Variants in ADK observed in about 807,000 individuals in gnomAD.
ADK encodes N6,N6-dimethyladenosine kinase.
ADK carries 24 observed loss-of-function variants against 44.7 expected under a neutral mutation model. That is an observed-to-expected ratio of 0.54 (90% CI 0.39 to 0.76). The LOEUF (loss-of-function observed/expected upper bound fraction) is 0.76, where lower values mean the gene tolerates loss of function less well. Among genes scored for constraint, ADK ranks in the 30% least tolerant of loss-of-function variants. ADK has a pLI of 0.00. For missense variants in ADK, 321 were observed against 425.1 expected (o/e 0.76, Z 2.15); for synonymous variants, 128 against 142.6 (o/e 0.90, Z 0.73).
chr10:74,678,931 G>A (rs2134225032), intron 10 of ADK, among the ~76,000 whole-genome samples: 1 of 152,258 alleles, frequency 6.6e-6, no homozygotes, highest in South Asian at 2.1e-4. Flanking sequence ...GTATCAGTTA[G>A]CTTTTACTGC....
intron 6 of ADK, among the ~76,000 whole-genome samples, chr10:74,473,001 T>C (rs1846662758): frequency 6.6e-6 from 1 of 152,072 alleles, no homozygotes; most frequent in Non-Finnish European, 1.5e-5. Context: ...TTTGTTTTCA[T>C]TTTTTTGAGA....
At chr10:74,431,649 G>A (rs1353157611) in intron 6 of ADK, among the ~76,000 whole-genome samples, 6 of 152,220 alleles carry the variant, frequency 3.9e-5, no homozygotes, top group South Asian at 2.1e-4. Context: ...GCTGAGGCAC[G>A]ATAATTGCTT....
At chr10:74,325,754 A>G (rs1004603148) in intron 4 of ADK, among the ~76,000 whole-genome samples, 1 of 152,194 alleles carries the variant, frequency 6.6e-6, no homozygotes, top group Non-Finnish European at 1.5e-5. Flanking sequence ...TCCTGCATTT[A>G]ATGTGATATA....
intron 10 of ADK, among the ~76,000 whole-genome samples, chr10:74,688,972 G>C (rs1309724934): frequency 2.0e-5 from 3 of 151,702 alleles, no homozygotes; most frequent in East Asian, 2.0e-4. Context: ...ATGCTGGGCT[G>C]GGGGGCATGG....
chr10:74,336,135 T>C (rs1841401536), intron 4 of ADK, among the ~76,000 whole-genome samples: 1 of 152,226 alleles, frequency 6.6e-6, no homozygotes, highest in African/African-American at 2.4e-5. Context: ...TTTCATAGTT[T>C]TACTTTTTAC....
At chr10:74,369,920 T>C (rs1233192741) in intron 4 of ADK, among the ~76,000 whole-genome samples, 1 of 152,218 alleles carries the variant, frequency 6.6e-6, no homozygotes, top group Non-Finnish European at 1.5e-5. Context: ...GAATGAATAA[T>C]TGAGTTTAGC....
At chr10:74,411,157 C>T (rs1193494366) in intron 6 of ADK, among the ~76,000 whole-genome samples, 1 of 151,978 alleles carries the variant, frequency 6.6e-6, no homozygotes, top group African/African-American at 2.4e-5. Context: ...AATGTTTAAG[C>T]CTTTATTTTA....
intron 3 of ADK, among the ~76,000 whole-genome samples, chr10:74,241,529 G>T (rs1845207493): frequency 6.6e-6 from 1 of 151,992 alleles, no homozygotes; most frequent in Non-Finnish European, 1.5e-5. Context: ...GGGACTACAG[G>T]CACACGCTAC....
intron 10 of ADK, among the ~76,000 whole-genome samples, chr10:74,704,193 G>C (rs1856522829): frequency 6.6e-6 from 1 of 152,114 alleles, no homozygotes; most frequent in African/African-American, 2.4e-5. Flanking sequence ...AAAGAGGAGT[G>C]GGGAGTTATT....
chr10:74,518,111 A>G (rs1281659828), intron 6 of ADK, among the ~76,000 whole-genome samples: 1 of 152,166 alleles, frequency 6.6e-6, no homozygotes, highest in Non-Finnish European at 1.5e-5. Flanking sequence ...AGCATGCTAT[A>G]TGGTTGTTAT....
intron 6 of ADK, among the ~76,000 whole-genome samples, chr10:74,468,732 C>A (rs184447288): frequency 4.6e-5 from 7 of 152,262 alleles, no homozygotes; most frequent in African/African-American, 1.4e-4. Context: ...AACTTTTAAT[C>A]ATACACACAA....
chr10:74,481,609 T>A (rs1407262417), intron 6 of ADK, among the ~76,000 whole-genome samples: 3 of 152,238 alleles, frequency 2.0e-5, no homozygotes, highest in African/African-American at 7.2e-5. Flanking sequence ...TTCATGAATT[T>A]TGTCCATGCA....
chr10:74,521,592 G>A (rs1006337329), intron 6 of ADK, among the ~76,000 whole-genome samples: 7 of 152,264 alleles, frequency 4.6e-5, no homozygotes, highest in Admixed American at 4.6e-4. Flanking sequence ...GCTAGCTATG[G>A]GAGGTTTTTA....
Position 74,415,213 on chromosome 10 carries a change from G to A in ADK, c.555+16634G>A, listed in dbSNP as rs879884972. ...ATAGCATTTAGTTGTTAAGACAGTA[G>A]GCACTTATGCAGAGCCCCAAATGAA... On this transcript the variant is annotated intron_variant, in intron 6 of 10. Coordinates refer to ENST00000539909, the MANE Select transcript of ADK (RefSeq NM_006721.4). Among the ~76,000 whole-genome samples, 36 of 152,276 alleles carry A rather than the reference G, an allele frequency of 2.4e-4. No individual in the cohort carries two copies. The Middle Eastern group carries it at 0.01, about 43-fold the overall frequency.
intron 1 of ADK, among the ~76,000 whole-genome samples, chr10:74,157,831 G>A (rs986841969): frequency 9.2e-5 from 14 of 152,186 alleles, no homozygotes; most frequent in Admixed American, 3.3e-4. Context: ...AGTGGAGGTT[G>A]GGGTGAGCCG....
chr10:74,547,456 T>A lies in ADK; in HGVS notation c.726+22030T>A, dbSNP rs796872386. Among the ~76,000 whole-genome samples the A allele has an allele frequency of 1.7e-3, 233 of 137,866 alleles. 2 individuals are homozygous for A. The highest frequency in any genetic ancestry group is 6.6e-3 in the African/African-American group (227 of 34,332). The allele number at this position is 137,866 out of a possible 152,430, so 90.4% of individuals were successfully genotyped here. ...TATATATATATATATATTTATTTAT[T>A]TATTTATTTATTTATTTTTATTTTA... On this transcript the variant is annotated intron_variant, in intron 7 of 10. Transcript: ENST00000539909.
intron 7 of ADK, among the ~76,000 whole-genome samples, chr10:74,561,559 A>G (rs1850460508): frequency 6.6e-6 from 1 of 152,190 alleles, no homozygotes; most frequent in South Asian, 2.1e-4. Flanking sequence ...TTATTTGTCT[A>G]ATGTATGTGT....
chr10:74,328,109 A>G (rs997062552), intron 4 of ADK, among the ~76,000 whole-genome samples: 1 of 152,048 alleles, frequency 6.6e-6, no homozygotes, highest in Non-Finnish European at 1.5e-5. Flanking sequence ...GGGTTTCACC[A>G]TGTTGCCCAG....
At chr10:74,223,343 C>G (rs1264504981) in intron 2 of ADK, among the ~76,000 whole-genome samples, 1 of 152,146 alleles carries the variant, frequency 6.6e-6, no homozygotes, top group Non-Finnish European at 1.5e-5. Flanking sequence ...AGGTGGAGCT[C>G]TCATGATCCA....
Sources: gnomAD v4.1 joint callset for allele counts (sites outside exome capture counted in the v4.1 genomes callset) on GRCh38, gnomAD v4.1.1 for gene constraint, MANE v1.5 for transcripts, NCBI Gene and HGNC (gene_info 2026-07-23, HGNC 2026-07-21) for gene names.